USH1C: variants seen among roughly 807,000 people sequenced by gnomAD.
USH1C encodes the protein harmonin.
In USH1C, 90 loss-of-function variants were observed where a neutral mutation model predicts 119.3. The observed-to-expected ratio is 0.75, with a 90% CI of 0.64 to 0.90. The LOEUF is 0.90. Among genes scored for constraint, USH1C ranks in the 40% least tolerant of loss-of-function variants. USH1C has a pLI of 0.00. For synonymous variants in USH1C, 465 were observed against 443.3 expected, an observed-to-expected ratio of 1.05 and a Z score of -0.62; for missense variants, 1,165 against 1,167.7, an observed-to-expected ratio of 1.00 and a Z score of 0.03.
At chr11:17,528,343 AC>A (rs1481322355) in intron 4 of USH1C, among the ~76,000 whole-genome samples, 1 of 152,126 alleles carries the variant, frequency 6.6e-6, no homozygotes, top group Non-Finnish European at 1.5e-5. Flanking sequence ...TCCTCCAGGC[AC>A]CCCGGCCCTG....
intron 18 of USH1C, 28 bp downstream of exon 18, chr11:17,509,328 A>G (rs2133816560): frequency 6.5e-7 from 1 of 1,542,560 alleles, no homozygotes; most frequent in Non-Finnish European, 8.8e-7. Flanking sequence ...CCTACTTCCA[A>G]ACATAGCATG....
Position 17,526,394 on chromosome 11 carries a change from C to G in USH1C, c.627G>C (p.Glu209Asp). 6.2e-7 allele frequency: 1 copy of G among 1,614,098 alleles called. No individual in the cohort carries two copies. The highest frequency in any genetic ancestry group is 8.5e-7 in the Non-Finnish European group (1 of 1,179,990). The stretch of plus-strand genomic sequence containing the variant: ...CTACCAGGCTGATGAAGACCTTCTT[C>G]TCCTTGTTTTCCCGATTTCCAGGGG... Reference protein sequence around the residue: ...LGSPGNRENKEKKVFISLVGS... With the variant: ...LGSPGNRENKDKKVFISLVGS... Residue 209 changes from glutamate to aspartate, a missense_variant, in exon 8 of 27, where the codon GAG becomes GAC. Transcript: ENST00000005226.
At chr11:17,500,466 C>T (rs1023504748) in intron 23 of USH1C, among the ~76,000 whole-genome samples, 1 of 152,196 alleles carries the variant, frequency 6.6e-6, no homozygotes, top group Non-Finnish European at 1.5e-5. Context: ...ATCCATGAAA[C>T]GCTCAGACAC....
In USH1C at chr11:17,496,755, T is replaced by TA; in HGVS notation, c.2546+2dup. 1 of 1,614,160 alleles carries TA rather than the reference T, an allele frequency of 6.2e-7. No homozygotes were observed. The highest frequency in any genetic ancestry group is 8.5e-7 in the Non-Finnish European group (1 of 1,179,986). ...CTCAGGCTAGGTGCTTGCACACACT[T>TA]ACAGCTCATCGTCATACTCCTTTGG... On this transcript the variant is annotated splice_region_variant and intron_variant, in intron 25 of 26. Transcript: ENST00000005226.
chr11:17,510,337 C>T (rs980250238), intron 17 of USH1C, 68 bp downstream of exon 17: 33 of 1,343,500 alleles, frequency 2.5e-5, no homozygotes, highest in African/African-American at 1.7e-4. Context: ...TCTCACCTCC[C>T]GCTGTCCCCA....
chr11:17,526,585 C>T, intron 7 of USH1C, 144 bp from the exon 8 acceptor site: 1 of 1,129,220 alleles, frequency 8.9e-7, no homozygotes, highest in Non-Finnish European at 1.3e-6. Flanking sequence ...TCTGCACCAG[C>T]TGGGCCTGGC....
intron 1 of USH1C, among the ~76,000 whole-genome samples, chr11:17,542,998 C>T (rs1487050400): frequency 2.0e-5 from 3 of 152,168 alleles, no homozygotes; most frequent in African/African-American, 7.2e-5. Context: ...CCTTTGTGCC[C>T]CTACAAAAGC....
intron 25 of USH1C, 145 bp from the exon 26 acceptor site, chr11:17,495,822 G>C: frequency 1.2e-6 from 1 of 802,018 alleles, no homozygotes; most frequent in East Asian, 3.0e-5. Flanking sequence ...CGAGACCCTG[G>C]TTTCTCCAAG....
At chr11:17,501,247 G>T in intron 22 of USH1C, 97 bp from the exon 23 acceptor site, 1 of 1,159,558 alleles carries the variant, frequency 8.6e-7, no homozygotes, top group Non-Finnish European at 1.3e-6. Flanking sequence ...CAGTAAGAGT[G>T]GAAGAAGCCA....
chr11:17,537,321 C>T (rs1286669949), intron 1 of USH1C, among the ~76,000 whole-genome samples: 1 of 152,218 alleles, frequency 6.6e-6, no homozygotes, highest in African/African-American at 2.4e-5. Context: ...GTACCCTGTA[C>T]TCAGGTACAT....
intron 20 of USH1C, 136 bp from the exon 21 acceptor site, chr11:17,502,116 CG>C: frequency 1.2e-6 from 1 of 827,228 alleles, no homozygotes; most frequent in South Asian, 1.8e-5. Context: ...GGCCAGGGTA[CG>C]GGATGCAGAC....
At chr11:17,512,926 C>T (rs1177528584) in intron 15 of USH1C, among the ~76,000 whole-genome samples, 1 of 152,192 alleles carries the variant, frequency 6.6e-6, no homozygotes, top group Non-Finnish European at 1.5e-5. Context: ...AGCCTGCATT[C>T]CTGGCTGCTT....
intron 25 of USH1C, among the ~76,000 whole-genome samples, chr11:17,496,127 G>C (rs543387609): frequency 6.6e-6 from 1 of 151,980 alleles, no homozygotes; most frequent in African/African-American, 2.4e-5. Flanking sequence ...AAAGGGGACC[G>C]GGATGAAGGG....
chr11:17,513,239 G>A (rs762600894), intron 15 of USH1C, among the ~76,000 whole-genome samples: 1 of 152,128 alleles, frequency 6.6e-6, no homozygotes, highest in Non-Finnish European at 1.5e-5. Flanking sequence ...CACACAGCGT[G>A]GAGGACAGAG....
In USH1C at chr11:17,540,377, G is replaced by A. The variant is rs551940533; in HGVS notation, c.36+3895C>T. ...CTGCTTCTCCTTGCTTTCCTTCCTC[G>A]CTTGCTGCTCCTTCTCCTCCAAAAG... On this transcript the variant is annotated intron_variant, in intron 1 of 26. Transcript: ENST00000005226. Among the ~76,000 whole-genome samples the A allele has an allele frequency of 3.3e-5, 5 of 151,880 alleles. No individual in the cohort carries two copies. In the South Asian group the frequency reaches 6.3e-4, roughly 19 times the overall value.
intron 11 of USH1C, 27 bp downstream of exon 11, chr11:17,523,184 G>C: frequency 1.2e-6 from 2 of 1,613,974 alleles, no homozygotes; most frequent in Non-Finnish European, 1.7e-6. Flanking sequence ...AGGTCAAGGG[G>C]CTCCCACCAG....
intron 16 of USH1C, among the ~76,000 whole-genome samples, chr11:17,510,814 C>G (rs1322552087): frequency 3.9e-5 from 6 of 152,166 alleles, no homozygotes; most frequent in African/African-American, 1.4e-4. Flanking sequence ...AACCCTGAGG[C>G]TCTTATGATT....
At chr11:17,539,119 T>C (rs1851346521) in intron 1 of USH1C, among the ~76,000 whole-genome samples, 1 of 152,220 alleles carries the variant, frequency 6.6e-6, no homozygotes, top group South Asian at 2.1e-4. Flanking sequence ...ACTCCTCCTC[T>C]ATCTTTAAGA....
In USH1C at chr11:17,509,530, G is replaced by T. The variant is rs762158679; in HGVS notation, c.1839C>A (p.Thr613=). ...GTGGGCGGGTGGGAGTGAGGTCTTG[G>T]GTGGGAACGGATGGCGGGGGAGGGA... is the stretch of plus-strand genomic sequence containing the variant. ...IPIPPPPSVP[T]QDLTPTRPLP... The change falls in exon 18 of 27, where the codon ACC becomes ACA. Residue 613 remains threonine (T), a synonymous_variant. Transcript: ENST00000005226. The T allele has an allele frequency of 8.1e-6, 13 of 1,610,202 alleles. No homozygotes were observed. Among genetic ancestry groups the T allele is most frequent in the Middle Eastern group, 1.7e-4 (1 of 6,038 alleles).
Sources: allele counts gnomAD v4.1 joint callset (sites outside exome capture counted in the v4.1 genomes callset), GRCh38; gene constraint gnomAD v4.1.1; transcripts MANE v1.5; gene names NCBI Gene and HGNC (gene_info 2026-07-23, HGNC 2026-07-21).